The following AIRIM variants were observed in gnomAD, a reference collection of about 807,000 sequenced individuals.
The protein encoded by AIRIM is AFG2-interacting ribosome maturation factor.
At chr1:37,688,922 T>C in the AIRIM span, among the ~76,000 whole-genome samples, 1 of 145,616 alleles carries the variant, frequency 6.9e-6, no homozygotes, top group African/African-American at 2.6e-5. Context: ...GCTGTGATTG[T>C]GCCACTGCAC....
At chr1:37,690,028 T>C in the AIRIM span, 3 of 1,419,306 alleles carry the variant, frequency 2.1e-6, no homozygotes, top group Non-Finnish European at 2.7e-6. Context: ...TTTTTTTTGT[T>C]TTTTTTTCGA....
chr1:37,690,474 C>A, the AIRIM span: 1 of 1,253,732 alleles, frequency 8.0e-7, no homozygotes, highest in South Asian at 1.3e-5. Context: ...TCCAGACAGC[C>A]AAAGCGTGAG....
chr1:37,682,932 G>A, the AIRIM span: 7 of 610,276 alleles, frequency 1.1e-5, no homozygotes, highest in Non-Finnish European at 2.0e-5. Context: ...TCTCAGCCAC[G>A]GCCTGGCATG....
chr1:37,688,486 G>C, the AIRIM span, among the ~76,000 whole-genome samples: 1 of 152,074 alleles, frequency 6.6e-6, no homozygotes, highest in Non-Finnish European at 1.5e-5. Context: ...CAATATCTTA[G>C]GACATCCCAC....
the AIRIM span, chr1:37,683,365 C>A: frequency 2.2e-5 from 36 of 1,613,948 alleles, no homozygotes; most frequent in Non-Finnish European, 3.1e-5. Flanking sequence ...GGTCCCAGGC[C>A]TTGGGCAAAG....
At chr1:37,687,788 C>T in the AIRIM span, among the ~76,000 whole-genome samples, 2 of 152,248 alleles carry the variant, frequency 1.3e-5, no homozygotes, top group Non-Finnish European at 2.9e-5. Flanking sequence ...CATAGGTACT[C>T]ACAGCACTCC....
chr1:37,685,053 T>C, the AIRIM span, among the ~76,000 whole-genome samples: 1 of 152,130 alleles, frequency 6.6e-6, no homozygotes, highest in Non-Finnish European at 1.5e-5. Context: ...CTGGTCTTTC[T>C]GCTTTTACCC....
chr1:37,686,837 C>G, the AIRIM span, among the ~76,000 whole-genome samples: 43,023 of 151,846 alleles, frequency 0.28, 6,622 homozygotes, highest in African/African-American at 0.39. Flanking sequence ...GGAGGCTGAG[C>G]GGGGTGGATC....
chr1:37,686,315 A>G, the AIRIM span: 2 of 1,613,980 alleles, frequency 1.2e-6, no homozygotes, highest in Non-Finnish European at 1.7e-6. Flanking sequence ...CCATTCCAAC[A>G]TGTCAGCCAC....
chr1:37,683,707 A>G, the AIRIM span: 2 of 341,492 alleles, frequency 5.9e-6, no homozygotes, highest in African/African-American at 4.2e-5. Context: ...AAAAGAAAGA[A>G]CAAAAGGGAC....
the AIRIM span, chr1:37,682,719 A>G: frequency 6.2e-6 from 1 of 161,174 alleles, no homozygotes; most frequent in Non-Finnish European, 1.3e-5. Context: ...AAGACACAAA[A>G]CCAGGACCTG....
At chr1:37,683,098 T>C in the AIRIM span, 1 of 1,606,968 alleles carries the variant, frequency 6.2e-7, no homozygotes, top group South Asian at 1.1e-5. Flanking sequence ...GTGGTACCCG[T>C]GGTCTCCAGA....
At chr1:37,681,672 C>T in the AIRIM span, 7 of 152,074 alleles carry the variant, frequency 4.6e-5, no homozygotes, top group Admixed American at 2.0e-4. Context: ...AGATGGATAA[C>T]GGTACATTTC....
the AIRIM span, among the ~76,000 whole-genome samples, chr1:37,685,891 C>T: frequency 6.6e-6 from 1 of 152,210 alleles, no homozygotes; most frequent in African/African-American, 2.4e-5. Context: ...AGCCACATAG[C>T]TCTTTCCCTT....
the AIRIM span, chr1:37,683,284 GA>G: frequency 3.2e-5 from 51 of 1,613,560 alleles, no homozygotes; most frequent in Non-Finnish European, 4.2e-5. Flanking sequence ...GAGAAAGGAG[GA>G]GAGGAGACAC....
At chr1:37,690,329 G>A in the AIRIM span, 1 of 1,290,452 alleles carries the variant, frequency 7.7e-7, no homozygotes, top group Non-Finnish European at 1.0e-6. Context: ...CTCGGGAAGG[G>A]TAACCTGGAT....
chr1:37,683,044 C>T, the AIRIM span: 15 of 1,403,526 alleles, frequency 1.1e-5, no homozygotes, highest in African/African-American at 4.3e-5. Flanking sequence ...GAAATACTGA[C>T]GTTTCTTTAG....
the AIRIM span, chr1:37,682,801 A>C: frequency 4.3e-6 from 1 of 231,282 alleles, no homozygotes; most frequent in Non-Finnish European, 8.5e-6. Context: ...TTGCTTCCCC[A>C]CCTCTTTAGG....
At chr1:37,690,718 C>G in the AIRIM span, among the ~76,000 whole-genome samples, 3 of 152,212 alleles carry the variant, frequency 2.0e-5, no homozygotes, top group African/African-American at 7.2e-5. Context: ...CATTTGTCAG[C>G]CTGCGGCAGT....
Sources: allele counts gnomAD v4.1 joint callset (sites outside exome capture counted in the v4.1 genomes callset), GRCh38; gene constraint gnomAD v4.1.1; transcripts MANE v1.5; gene names NCBI Gene and HGNC (gene_info 2026-07-23, HGNC 2026-07-21).